Variants in RBFOX2 observed in about 807,000 individuals in gnomAD.
RBFOX2 encodes the protein RNA binding fox-1 homolog 2.
RBFOX2 carries 10 observed loss-of-function variants against 49.1 expected under a neutral mutation model. The observed-to-expected ratio is 0.20, with a 90% CI of 0.13 to 0.35. RBFOX2 has a LOEUF of 0.35. Ranked by LOEUF, RBFOX2 falls within the 10% of genes least tolerant of loss-of-function variation. RBFOX2 has a pLI of 1.00. For missense variants in RBFOX2, 323 were observed against 486.9 expected (o/e 0.66, Z 3.17); for synonymous variants, 183 against 187.4 (o/e 0.98, Z 0.19).
chr22:35,781,817 C>A, intron 2 of RBFOX2, 71 bp from the exon 4 acceptor site: 1 of 1,590,864 alleles, frequency 6.3e-7, no homozygotes, highest in Non-Finnish European at 8.6e-7. Context: ...CCCCCCACAG[C>A]AATCATCCCC....
chr22:35,788,750 T>C (rs1408046574), intron 2 of RBFOX2, among the ~76,000 whole-genome samples: 1 of 152,234 alleles, frequency 6.6e-6, no homozygotes, highest in Non-Finnish European at 1.5e-5. Flanking sequence ...TCTAAAACAG[T>C]GTCCATAGTT....
intron 1 of RBFOX2, among the ~76,000 whole-genome samples, chr22:35,871,400 A>T (rs2044339442): frequency 6.6e-6 from 1 of 152,208 alleles, no homozygotes; most frequent in African/African-American, 2.4e-5. Context: ...AGACTGCATA[A>T]CCTCAATATG....
intron 1 of RBFOX2, among the ~76,000 whole-genome samples, chr22:35,882,243 T>C (rs2046001987): frequency 6.6e-6 from 1 of 151,726 alleles, no homozygotes; most frequent in African/African-American, 2.4e-5. Flanking sequence ...TCCAAGAAAG[T>C]GAATTAGAGA....
At chr22:35,740,737 G>C (rs1929489185) in exon 12 of RBFOX2, 1 of 152,354 alleles carries the variant, frequency 6.6e-6, no homozygotes, top group South Asian at 2.1e-4. Flanking sequence ...AGAGGGAAGG[G>C]GGTTCATCAT....
chr22:35,961,461 A>C, intron 1 of RBFOX2: 1 of 1,227,218 alleles, frequency 8.1e-7, no homozygotes, highest in Non-Finnish European at 1.1e-6. Context: ...CACACGACCG[A>C]CCTCTCTGCT....
At chr22:35,808,988 A>T (rs1056908347) in intron 2 of RBFOX2, among the ~76,000 whole-genome samples, 12 of 151,592 alleles carry the variant, frequency 7.9e-5, no homozygotes, top group African/African-American at 2.9e-4. Context: ...CCAAGTACGG[A>T]GTTCAGATTA....
At chr22:35,824,135 T>A (rs1379207937) in intron 1 of RBFOX2, among the ~76,000 whole-genome samples, 1 of 151,726 alleles carries the variant, frequency 6.6e-6, no homozygotes, top group Non-Finnish European at 1.5e-5. Context: ...GGAGACAGGA[T>A]GAGACGGACG....
rs951169896 is a variant in RBFOX2, at chr22:35,883,537, C to A, written c.-34+55310G>T. 2.0e-5 allele frequency among the ~76,000 whole-genome samples: 3 copies of A among 152,132 alleles called. No individual in the cohort carries two copies. In the South Asian group the frequency reaches 6.2e-4, roughly 32 times the overall value. On this transcript the variant is annotated intron_variant, in intron 1 of 13. Coordinates refer to the RBFOX2 transcript ENST00000359369. ...GAGTGGCTCTTGAATTGATCTTTGCCGTGTCTCAATTTCATCACCCTCTGC... is the reference window on the plus strand; with the variant it reads ...GAGTGGCTCTTGAATTGATCTTTGCAGTGTCTCAATTTCATCACCCTCTGC...
intron 2 of RBFOX2, among the ~76,000 whole-genome samples, chr22:35,786,545 C>G (rs1946432773): frequency 6.6e-6 from 1 of 152,196 alleles, no homozygotes; most frequent in Non-Finnish European, 1.5e-5. Flanking sequence ...GGGGGGCCCC[C>G]ACCAGTCACG....
At chr22:35,816,821 C>G (rs922436780) in intron 1 of RBFOX2, among the ~76,000 whole-genome samples, 3 of 152,188 alleles carry the variant, frequency 2.0e-5, no homozygotes, top group African/African-American at 7.2e-5. Context: ...CTGCTTCAGT[C>G]TCAACAGTAA....
intron 1 of RBFOX2, among the ~76,000 whole-genome samples, chr22:35,863,821 C>T (rs570701067): frequency 7.2e-5 from 11 of 152,304 alleles, no homozygotes; most frequent in Admixed American, 2.0e-4. Flanking sequence ...AAAGGAGCTG[C>T]TTCACTGAAT....
At chr22:35,864,581 T>C (rs569150749) in intron 1 of RBFOX2, among the ~76,000 whole-genome samples, 2 of 152,208 alleles carry the variant, frequency 1.3e-5, no homozygotes, top group South Asian at 4.1e-4. Context: ...ATAAGAAAAA[T>C]AATAACTTAT....
At chr22:35,885,969 G>C (rs533139018) in intron 1 of RBFOX2, among the ~76,000 whole-genome samples, 1 of 143,526 alleles carries the variant, frequency 7.0e-6, no homozygotes, top group South Asian at 2.2e-4. Flanking sequence ...CCATTCTCCT[G>C]CCTCAGCCTC....
chr22:35,949,291 G>C (rs2054649547), intron 1 of RBFOX2, among the ~76,000 whole-genome samples: 2 of 152,144 alleles, frequency 1.3e-5, no homozygotes, highest in Admixed American at 1.3e-4. Flanking sequence ...ATCTGTCAAT[G>C]GACACTTGGG....
In RBFOX2 at chr22:35,966,983, TA is replaced by T. The variant is rs199664388; in HGVS notation, c.187-28087del. On this transcript the variant is annotated intron_variant, in intron 1 of 13. Transcript: ENST00000438146. ...ACATGGCATTATGCGCAGTCAACTTTAAAAAAAAAAAAAATTGTAGAGATGA... is the reference window on the plus strand; with the variant it reads ...ACATGGCATTATGCGCAGTCAACTTTAAAAAAAAAAAAATTGTAGAGATGA... Among the ~76,000 whole-genome samples the T allele has an allele frequency of 5.9e-3, 846 of 143,652 alleles. 3 individuals carry two copies. Among genetic ancestry groups the T allele is most frequent in the African/African-American group, 0.013 (522 of 39,300 alleles). The allele number at this position is 143,652 out of a possible 152,430, so 94.2% of individuals were successfully genotyped here.
chr22:35,895,065 C>A (rs1354674896), intron 1 of RBFOX2, among the ~76,000 whole-genome samples: 23 of 151,992 alleles, frequency 1.5e-4, no homozygotes, highest in Admixed American at 1.4e-3. Flanking sequence ...TCTCACCCTC[C>A]CTCCGTCCCT....
At chr22:35,837,666 C>T (rs568564314) in intron 1 of RBFOX2, among the ~76,000 whole-genome samples, 6 of 152,232 alleles carry the variant, frequency 3.9e-5, no homozygotes, top group African/African-American at 9.6e-5. Flanking sequence ...AAAACAAATA[C>T]GCTGGAATAC....
chr22:35,927,017 T>G (rs1352898173), intron 1 of RBFOX2, among the ~76,000 whole-genome samples: 1 of 152,196 alleles, frequency 6.6e-6, no homozygotes, highest in Non-Finnish European at 1.5e-5. Context: ...ATCCTCACAT[T>G]CACAGAAAGC....
chr22:35,802,003 A>T (rs949973180), intron 2 of RBFOX2, among the ~76,000 whole-genome samples: 1 of 152,188 alleles, frequency 6.6e-6, no homozygotes, highest in African/African-American at 2.4e-5. Flanking sequence ...TATTTTTGGC[A>T]GCGATAAACT....
Sources: gnomAD v4.1 joint callset for allele counts (sites outside exome capture counted in the v4.1 genomes callset) on GRCh38, gnomAD v4.1.1 for gene constraint, MANE v1.5 for transcripts, NCBI Gene and HGNC (gene_info 2026-07-23, HGNC 2026-07-21) for gene names.